AEN: variants seen among roughly 807,000 people sequenced by gnomAD.
The protein encoded by AEN is apoptosis enhancing nuclease.
A neutral mutation model predicts 17.7 loss-of-function variants in AEN; 21 were observed. That is an observed-to-expected ratio of 1.19 (90% CI 0.84 to 1.71). The LOEUF is 1.71. Among genes scored for constraint, AEN ranks in the 40% most tolerant of loss-of-function variants. The probability of loss-of-function intolerance (pLI) is 0.00; values close to 1 mark genes in which losing one functional copy is unlikely to be tolerated. For missense variants in AEN, 462 were observed against 435.9 expected, an observed-to-expected ratio of 1.06 and a Z score of -0.53; for synonymous variants, 190 against 173.0, an observed-to-expected ratio of 1.10 and a Z score of -0.77.
chr15:88,617,650 C>G (rs75947418), upstream of AEN, among the ~76,000 whole-genome samples: 3 of 152,244 alleles, frequency 2.0e-5, no homozygotes, highest in East Asian at 5.8e-4. Context: ...CCCCTTACCC[C>G]CTAACCCCAC....
chr15:88,615,675 C>T, the AEN span, among the ~76,000 whole-genome samples: 1 of 152,130 alleles, frequency 6.6e-6, no homozygotes, highest in African/African-American at 2.4e-5. Context: ...CATCCCCTGA[C>T]TTTCTGGGCC....
Position 88,630,381 on chromosome 15 carries a change from A to G in AEN, c.*87A>G. The G allele has an allele frequency of 7.7e-7, 1 of 1,304,306 alleles. No homozygotes were observed. The highest frequency in any genetic ancestry group is 1.1e-6 in the Non-Finnish European group (1 of 937,800). The allele number at this position is 1,304,306 out of a possible 1,614,324, so 80.8% of individuals were successfully genotyped here. On this transcript the variant is annotated 3_prime_UTR_variant, in exon 4 of 4. Transcript: ENST00000332810. This position sits in a 1 kb window ranked among gnomAD's most constrained non-coding sequence, Gnocchi z 5.1. ...GAGCAGCGGGCACTCCTTCCTGGGC[A>G]GGGTGGGGCAGGATGCAGTGAGCCA...
chr15:88,618,327 C>A (rs2057755666), upstream of AEN, among the ~76,000 whole-genome samples: 1 of 151,962 alleles, frequency 6.6e-6, no homozygotes. Flanking sequence ...TATGAAGCAC[C>A]CTATTGTACA....
chr15:88,609,575 G>A, the AEN span, among the ~76,000 whole-genome samples: 17 of 152,332 alleles, frequency 1.1e-4, no homozygotes, highest in East Asian at 9.6e-4. Flanking sequence ...GGAAACAAGC[G>A]TTGCTAAGGG....
intron 1 of AEN, chr15:88,621,654 G>C (rs1247149918): frequency 6.6e-6 from 1 of 152,268 alleles, no homozygotes; most frequent in Non-Finnish European, 1.5e-5. Flanking sequence ...CAACGCCCGA[G>C]TCCTTCCCGG....
At chr15:88,623,739 C>T (rs2057816107) in intron 1 of AEN, among the ~76,000 whole-genome samples, 1 of 152,206 alleles carries the variant, frequency 6.6e-6, no homozygotes, top group South Asian at 2.1e-4. Flanking sequence ...TGGGGCTCCC[C>T]CACTCACTTG....
At chr15:88,607,928 G>A in the AEN span, among the ~76,000 whole-genome samples, 2 of 152,064 alleles carry the variant, frequency 1.3e-5, no homozygotes, top group African/African-American at 2.4e-5. Flanking sequence ...TCTGCTTTTT[G>A]TACTTTTCTT....
chr15:88,630,271 G>C lies in AEN; in HGVS notation c.955G>C (p.Glu319Gln). 2 of 1,587,508 alleles carry C rather than the reference G, an allele frequency of 1.3e-6. No homozygotes were observed. The highest frequency in any genetic ancestry group is 1.7e-6 in the Non-Finnish European group (2 of 1,167,324). ...LAHGSRGGAR[E>Q]AQDRRN ...CCACGGCAGCAGAGGAGGAGCCAGG[G>C]AGGCACAGGACAGAAGGAATTGAGA... is the stretch of plus-strand genomic sequence containing the variant. Residue 319 changes from glutamate to glutamine, a missense_variant, in exon 4 of 4, where the codon GAG (glutamate) becomes CAG (glutamine). Transcript: ENST00000332810. The surrounding 1 kb of genome is among the most constrained non-coding windows in gnomAD (Gnocchi z 5.1).
chr15:88,608,241 A>C, the AEN span: 1 of 484,830 alleles, frequency 2.1e-6, no homozygotes, highest in Admixed American at 2.0e-5. Context: ...CCTTAGTTCC[A>C]TCCAGTAGCA....
chr15:88,618,154 C>T (rs8027149), upstream of AEN, among the ~76,000 whole-genome samples: 2,728 of 152,292 alleles, frequency 0.018, 74 homozygotes, highest in African/African-American at 0.056. Context: ...AGTCTTACCA[C>T]CCTCACCCCA....
chr15:88,606,636 T>C, the AEN span, among the ~76,000 whole-genome samples: 1 of 152,294 alleles, frequency 6.6e-6, no homozygotes, highest in African/African-American at 2.4e-5. Context: ...TGGCCACTGA[T>C]AATCAGTGAG....
chr15:88,612,295 G>A, the AEN span, among the ~76,000 whole-genome samples: 800 of 152,276 alleles, frequency 5.3e-3, 8 homozygotes, highest in Admixed American at 9.3e-3. Context: ...CAGTGTATGC[G>A]GGCACCGAGA....
chr15:88,611,090 C>T, the AEN span, among the ~76,000 whole-genome samples: 2 of 152,234 alleles, frequency 1.3e-5, no homozygotes, highest in Non-Finnish European at 2.9e-5. Flanking sequence ...CATTCTGAAG[C>T]TTCCAGGGCT....
rs2141371626 is a variant in AEN, at chr15:88,626,234, T to A, written c.25T>A (p.Ser9Thr). 2 of 1,600,980 alleles carry A rather than the reference T, an allele frequency of 1.2e-6. No individual in the cohort carries two copies. Among genetic ancestry groups the A allele is most frequent in the South Asian group, 2.2e-5 (2 of 90,076 alleles). ...AATGGTACCCCGGGAGGCCCCTGAG[T>A]CTGCTCAGTGCCTGTGCCCTTCCCT... MVPREAPE[S>T]AQCLCPSLTI... The change falls in exon 2 of 4, where the codon TCT (serine) becomes ACT (threonine). Residue 9 changes from serine (S) to threonine (T), a missense_variant. Physicochemically the swap from Ser to Thr is moderately conservative, Grantham distance 58. Transcript: ENST00000332810.
At chr15:88,618,442 ATGT>A (rs1257041293), upstream of AEN, among the ~76,000 whole-genome samples, 8 of 152,338 alleles carry the variant, frequency 5.3e-5, no homozygotes, top group South Asian at 6.2e-4. Flanking sequence ...CTAGATTGAA[ATGT>A]TGTTGTAATT....
rs1047366938 is a variant in AEN, at chr15:88,625,261, T to C, written c.-64-885T>C. ...AAGGCTGGACACGGTGGCTCATACT[T>C]ATAATCCCAGTACTTTGGGAGGCCG... On this transcript the variant is annotated intron_variant, in intron 1 of 3. Coordinates refer to ENST00000332810, the MANE Select transcript of AEN (RefSeq NM_022767.4). 3.9e-5 allele frequency among the ~76,000 whole-genome samples: 6 copies of C among 152,312 alleles called. No homozygotes were observed. In the South Asian group the frequency reaches 1.0e-3, roughly 26 times the overall value.
intron 2 of AEN, 128 bp from the exon 3 acceptor site, chr15:88,629,098 C>A: frequency 1.1e-6 from 1 of 908,394 alleles, no homozygotes; most frequent in Non-Finnish European, 1.7e-6. Flanking sequence ...AGCTCGTGAT[C>A]TCCCCACTCG....
the AEN span, chr15:88,611,970 G>A: frequency 2.2e-6 from 1 of 459,890 alleles, no homozygotes; most frequent in Non-Finnish European, 4.5e-6. Flanking sequence ...CCCCCTTTTT[G>A]GCTATCCTTC....
chr15:88,609,862 C>T, the AEN span, among the ~76,000 whole-genome samples: 18 of 152,334 alleles, frequency 1.2e-4, no homozygotes, highest in East Asian at 2.5e-3. Context: ...TGTCTCTGAA[C>T]TCTGCTTCTT....
Sources: gnomAD v4.1 joint callset for allele counts (sites outside exome capture counted in the v4.1 genomes callset) on GRCh38, gnomAD v4.1.1 for gene constraint, Gnocchi (gnomAD v3.1) non-coding constraint, MANE v1.5 for transcripts, NCBI Gene and HGNC (gene_info 2026-07-23, HGNC 2026-07-21) for gene names.